The following HEXB variants were observed in gnomAD, a reference collection of about 807,000 sequenced individuals.
HEXB encodes beta-hexosaminidase subunit beta.
Under a neutral mutation model 71.2 loss-of-function variants are expected in HEXB, and 51 were observed. The observed-to-expected ratio is 0.72, with a 90% CI of 0.57 to 0.90. The LOEUF is 0.90. Among genes scored for constraint, HEXB ranks in the 40% least tolerant of loss-of-function variants. HEXB has a pLI of 0.00. For synonymous variants in HEXB, 266 were observed against 249.3 expected (o/e 1.07, Z -0.63); for missense variants, 617 against 677.0 (o/e 0.91, Z 0.98).
chr5:74,691,460 T>C (rs1014231859), intron 2 of HEXB, among the ~76,000 whole-genome samples: 2 of 152,200 alleles, frequency 1.3e-5, no homozygotes, highest in African/African-American at 2.4e-5. Flanking sequence ...TGTCAATCTA[T>C]ACTAAACAGT....
chr5:74,692,253 T>C (rs775770900), intron 2 of HEXB, among the ~76,000 whole-genome samples: 3 of 151,478 alleles, frequency 2.0e-5, no homozygotes, highest in Non-Finnish European at 4.4e-5. Context: ...ATCCCAACAC[T>C]TTGGGAGGCT....
chr5:74,721,053 A>ATCT, intron 13 of HEXB, 65 bp from the exon 14 acceptor site: 2 of 1,273,780 alleles, frequency 1.6e-6, no homozygotes, highest in Non-Finnish European at 2.3e-6. Flanking sequence ...TATCAATCTA[A>ATCT]AATATCTTTA....
intron 1 of HEXB, among the ~76,000 whole-genome samples, chr5:74,686,421 A>G (rs2112124693): frequency 6.6e-6 from 1 of 152,324 alleles, no homozygotes; most frequent in South Asian, 2.1e-4. Context: ...TTTGGTGCTA[A>G]CTGTACTGCC....
intron 5 of HEXB, among the ~76,000 whole-genome samples, chr5:74,700,043 G>A (rs1213070713): frequency 7.1e-5 from 2 of 28,282 alleles, no homozygotes; most frequent in Non-Finnish European, 1.3e-4. Flanking sequence ...GTCTTGTTCT[G>A]TTGCCCAGAC....
chr5:74,705,501 T>A, intron 6 of HEXB, 181 bp downstream of exon 6: 1 of 592,928 alleles, frequency 1.7e-6, no homozygotes, highest in Non-Finnish European at 3.0e-6. Context: ...TTTGTTATTG[T>A]TATAACGGTT....
Position 74,644,386 on chromosome 5 carries a change from G to C in HEXB, c.-377+3828G>C, listed in dbSNP as rs529590297. Reference sequence around the variant, plus strand: ...GAGGGAGCTGCCAGCACACACAGAGGCTGGAGGAATAAGCCCTCCATTCCC... The same window carrying C: ...GAGGGAGCTGCCAGCACACACAGAGCCTGGAGGAATAAGCCCTCCATTCCC... On this transcript the variant is annotated intron_variant, in intron 1 of 13. Transcript: ENST00000511181. Among the ~76,000 whole-genome samples, 5 of 152,306 alleles carry C rather than the reference G, an allele frequency of 3.3e-5. No homozygotes were observed. In the East Asian group the frequency reaches 5.8e-4, roughly 18 times the overall value.
At chr5:74,671,057 C>T (rs558863266) in intron 1 of HEXB, among the ~76,000 whole-genome samples, 39 of 152,070 alleles carry the variant, frequency 2.6e-4, no homozygotes, top group South Asian at 6.2e-4. Context: ...GCAAAGTGAC[C>T]GAGAAAAGTC....
In HEXB at chr5:74,721,241, A is replaced by AATAAGATATTAGACTGTT. The variant is rs1749856007; in HGVS notation, c.*67_*84dup. 1 of 1,236,574 alleles carries AATAAGATATTAGACTGTT rather than the reference A, an allele frequency of 8.1e-7. No individual in the cohort carries two copies. Among genetic ancestry groups the AATAAGATATTAGACTGTT allele is most frequent in the South Asian group, 1.2e-5 (1 of 82,872 alleles). 76.6% of individuals were successfully genotyped at this position (1,236,574 alleles called of 1,614,324 possible). A position where few individuals can be genotyped will look rare whatever the true frequency, so the allele number is the denominator to read the frequency against. On this transcript the variant is annotated 3_prime_UTR_variant, in exon 14 of 14. Transcript: ENST00000261416. ...TCAACTTTATTTTGAAATCATGTAA[A>AATAAGATATTAGACTGTT]ATAAGATATTAGACTGTTTTTTGAA...
At chr5:74,701,361 T>TGATAC (rs1749256813) in intron 5 of HEXB, among the ~76,000 whole-genome samples, 1 of 152,212 alleles carries the variant, frequency 6.6e-6, no homozygotes, top group Non-Finnish European at 1.5e-5. Flanking sequence ...TATTAGAATT[T>TGATAC]ACTTTAGTGT....
At chr5:74,681,253 T>C (rs1208578356), upstream of HEXB, among the ~76,000 whole-genome samples, 1 of 152,220 alleles carries the variant, frequency 6.6e-6, no homozygotes, top group Non-Finnish European at 1.5e-5. Flanking sequence ...TGGCAATATC[T>C]GGAGACATTT....
chr5:74,646,092 A>G (rs1747997205), intron 1 of HEXB, among the ~76,000 whole-genome samples: 1 of 152,028 alleles, frequency 6.6e-6, no homozygotes, highest in Non-Finnish European at 1.5e-5. Flanking sequence ...AATCTGTAGT[A>G]TGGGATAGTA....
chr5:74,710,672 C>T (rs1749517510), intron 6 of HEXB, among the ~76,000 whole-genome samples: 1 of 152,130 alleles, frequency 6.6e-6, no homozygotes, highest in South Asian at 2.1e-4. Context: ...CATGAGTGAA[C>T]TCCCATTCAC....
chr5:74,667,466 C>G (rs942042976), intron 1 of HEXB, among the ~76,000 whole-genome samples: 1 of 152,242 alleles, frequency 6.6e-6, no homozygotes, highest in East Asian at 1.9e-4. Flanking sequence ...TGGGAAAGGT[C>G]TCATCTGTCT....
At chr5:74,719,044 C>G in intron 11 of HEXB, 73 bp downstream of exon 11, 2 of 1,473,224 alleles carry the variant, frequency 1.4e-6, no homozygotes, top group Non-Finnish European at 9.5e-7. Context: ...CCATTGTTAC[C>G]TTTGTTTTAT....
upstream of HEXB, among the ~76,000 whole-genome samples, chr5:74,682,673 T>C (rs78864484): frequency 2.5e-3 from 379 of 152,356 alleles, 13 homozygotes; most frequent in East Asian, 0.056. Context: ...CATTATGCCG[T>C]GCTTCCATTG....
At chr5:74,705,037 A>AGCC (rs1749347971) in intron 5 of HEXB, among the ~76,000 whole-genome samples, 182 bp from the exon 6 acceptor site, 5 of 147,620 alleles carry the variant, frequency 3.4e-5, no homozygotes, top group South Asian at 4.2e-4. Context: ...GGCTGCAGTG[A>AGCC]GCCAAGATCA....
chr5:74,710,779 A>G (rs1384073850), intron 6 of HEXB, among the ~76,000 whole-genome samples: 8 of 152,020 alleles, frequency 5.3e-5, no homozygotes, highest in Admixed American at 2.0e-4. Flanking sequence ...TCAATGAAAT[A>G]AAAGAGGATA....
At chr5:74,697,638 A>G (rs1749142089) in intron 5 of HEXB, among the ~76,000 whole-genome samples, 1 of 148,066 alleles carries the variant, frequency 6.8e-6, no homozygotes, top group African/African-American at 2.5e-5. Flanking sequence ...AGACAGGAGA[A>G]TTGCTTGAAC....
intron 1 of HEXB, among the ~76,000 whole-genome samples, chr5:74,670,496 C>G (rs1580369643): frequency 6.6e-6 from 1 of 152,324 alleles, no homozygotes; most frequent in Non-Finnish European, 1.5e-5. Flanking sequence ...TGCGAATACA[C>G]AGAAGGCTGT....
Sources: gnomAD v4.1 joint callset for allele counts (sites outside exome capture counted in the v4.1 genomes callset) on GRCh38, gnomAD v4.1.1 for gene constraint, MANE v1.5 for transcripts, NCBI Gene and HGNC (gene_info 2026-07-23, HGNC 2026-07-21) for gene names.